The following GDAP1 variants were observed in gnomAD, a reference collection of about 807,000 sequenced individuals.
GDAP1 encodes ganglioside induced differentiation associated protein 1.
A neutral mutation model predicts 40.1 loss-of-function variants in GDAP1; 34 were observed. The ratio of observed to expected loss-of-function variants is 0.85; its 90% CI spans 0.64 to 1.13. GDAP1 has a LOEUF of 1.13. Among genes scored for constraint, GDAP1 ranks in the 50% most tolerant of loss-of-function variants. The pLI is 0.00. For missense variants in GDAP1, 374 were observed against 433.7 expected (o/e 0.86, Z 1.22); for synonymous variants, 170 against 157.4 (o/e 1.08, Z -0.60).
At chr8:74,452,599 T>G (rs1385290222) in intron 2 of GDAP1, among the ~76,000 whole-genome samples, 1 of 84,158 alleles carries the variant, frequency 1.2e-5, no homozygotes, top group African/African-American at 5.1e-5. Context: ...TCACATATGC[T>G]TTTTAGCTCT....
At chr8:74,380,346 A>C (rs1809927702) in intron 2 of GDAP1, among the ~76,000 whole-genome samples, 1 of 152,172 alleles carries the variant, frequency 6.6e-6, no homozygotes, top group South Asian at 2.1e-4. Context: ...GATATAGGAA[A>C]AGTAACTTGT....
chr8:74,425,139 A>C (rs1805931426), intron 2 of GDAP1, among the ~76,000 whole-genome samples: 1 of 152,166 alleles, frequency 6.6e-6, no homozygotes, highest in Non-Finnish European at 1.5e-5. Flanking sequence ...TGCTTTGTGG[A>C]TGACCTTGGC....
At chr8:74,386,946 A>G (rs1244596737) in intron 2 of GDAP1, among the ~76,000 whole-genome samples, 1 of 152,166 alleles carries the variant, frequency 6.6e-6, no homozygotes, top group Non-Finnish European at 1.5e-5. Flanking sequence ...CTTTGAAGCA[A>G]TTGTGAATGG....
At chr8:74,467,620 A>G (rs900454933) in intron 2 of GDAP1, among the ~76,000 whole-genome samples, 1 of 152,170 alleles carries the variant, frequency 6.6e-6, no homozygotes, top group Admixed American at 6.5e-5. Flanking sequence ...ACTGCAGCAC[A>G]GAGAGTAGGT....
chr8:74,455,850 A>G (rs1806329708), intron 2 of GDAP1, among the ~76,000 whole-genome samples: 3 of 152,076 alleles, frequency 2.0e-5, no homozygotes, highest in South Asian at 2.1e-4. Flanking sequence ...ATGTGCTTCT[A>G]TAAGGCAGGG....
intron 2 of GDAP1, among the ~76,000 whole-genome samples, chr8:74,438,870 A>G (rs1040929353): frequency 6.6e-6 from 1 of 152,146 alleles, no homozygotes; most frequent in Non-Finnish European, 1.5e-5. Flanking sequence ...CCAAAGTGTT[A>G]AGATTACAGG....
chr8:74,383,611 C>T (rs1044480697), intron 2 of GDAP1, among the ~76,000 whole-genome samples: 2 of 152,142 alleles, frequency 1.3e-5, no homozygotes, highest in Admixed American at 6.6e-5. Context: ...ACAGAAATCT[C>T]ATTTCCAAAT....
downstream of GDAP1, among the ~76,000 whole-genome samples, chr8:74,370,485 TAAG>T (rs1327323718): frequency 6.6e-6 from 1 of 152,162 alleles, no homozygotes; most frequent in Non-Finnish European, 1.5e-5. Context: ...TAAACTCTGA[TAAG>T]AACACGTTGT....
intron 2 of GDAP1, among the ~76,000 whole-genome samples, chr8:74,447,626 C>A (rs565836828): frequency 6.6e-6 from 1 of 152,228 alleles, no homozygotes; most frequent in South Asian, 2.1e-4. Flanking sequence ...TTTCCACACA[C>A]ACTCAGATTC....
intron 5 of GDAP1, 146 bp from the exon 6 acceptor site, chr8:74,363,839 G>A (rs976847771): frequency 4.3e-6 from 3 of 697,248 alleles, no homozygotes; most frequent in Admixed American, 2.5e-5. Context: ...TATTCTCTGA[G>A]TGTGGCTGTC....
intron 2 of GDAP1, 28 bp from the exon 3 acceptor site, chr8:74,360,109 C>T (rs776763158): frequency 1.3e-6 from 2 of 1,574,524 alleles, no homozygotes; most frequent in South Asian, 2.2e-5. Flanking sequence ...GTAACTTTTT[C>T]TTCAATATTT....
chr8:74,370,187 T>A (rs1049255555), downstream of GDAP1, among the ~76,000 whole-genome samples: 2 of 152,200 alleles, frequency 1.3e-5, no homozygotes, highest in African/African-American at 4.8e-5. Context: ...ATAAAGACTT[T>A]CATTGCCTCA....
At chr8:74,460,988 G>A (rs1044362542) in intron 2 of GDAP1, among the ~76,000 whole-genome samples, 1 of 152,168 alleles carries the variant, frequency 6.6e-6, no homozygotes, top group Non-Finnish European at 1.5e-5. Context: ...TGTATTGGGA[G>A]AGGGTATTCT....
In GDAP1 at chr8:74,360,297, T is replaced by A; in HGVS notation, c.471T>A (p.Thr157=). 6.2e-7 allele frequency: 1 copy of A among 1,613,692 alleles called. No homozygotes were observed. Among genetic ancestry groups the A allele is most frequent in the East Asian group, 2.2e-5 (1 of 44,880 alleles). ...TVDSMIPAYA[T]TRIRSQIGNT... Reference sequence around the variant, plus strand: ...ACTCCATGATCCCGGCTTATGCAACTACAAGGATTCGTAGTATGTAAACAT... The same window carrying A: ...ACTCCATGATCCCGGCTTATGCAACAACAAGGATTCGTAGTATGTAAACAT... Residue 157 remains threonine, a synonymous_variant, in exon 3 of 6, where the codon ACT becomes ACA. Coordinates refer to ENST00000220822, the MANE Select transcript of GDAP1 (RefSeq NM_018972.4).
At chr8:74,483,573 A>T (rs1035961461) in intron 2 of GDAP1, among the ~76,000 whole-genome samples, 3 of 152,152 alleles carry the variant, frequency 2.0e-5, no homozygotes, top group Admixed American at 6.5e-5. Context: ...CATCTTTTAT[A>T]GGGTTATATA....
Position 74,364,777 on chromosome 8 carries a change from GGGATAGTGGGCT to G in GDAP1, c.*414_*425del, listed in dbSNP as rs754305814. 1.4e-4 allele frequency: 64 copies of G among 457,872 alleles called. No individual in the cohort carries two copies. Among genetic ancestry groups the G allele is most frequent in the Admixed American group, 5.9e-4 (25 of 42,680 alleles). The allele number at this position is 457,872 out of a possible 1,614,324, so 28.4% of individuals were successfully genotyped here. Reference sequence around the variant, plus strand: ...TTAGGAGAGGACTAGGGAATCACTGGGGATAGTGGGCTGGAGAGAACCCCAGGCTTTATATGT... The same window carrying G: ...TTAGGAGAGGACTAGGGAATCACTGGGGAGAGAACCCCAGGCTTTATATGT... On this transcript the variant is annotated 3_prime_UTR_variant, in exon 6 of 6. Transcript: ENST00000220822.
Position 74,403,106 on chromosome 8 carries a change from A to G in GDAP1, c.165+51785A>G, listed in dbSNP as rs147542588. On this transcript the variant is annotated intron_variant, in intron 2 of 2. Coordinates refer to the GDAP1 transcript ENST00000523640. The stretch of plus-strand genomic sequence containing the variant: ...GCCCAAACAATCTGATGTTAAAATA[A>G]GCTAATTTTATATCTCGCAGTGATG... 3.7e-4 allele frequency among the ~76,000 whole-genome samples: 55 copies of G among 150,306 alleles called. No homozygotes were observed. The East Asian group carries it at 0.01, about 28-fold the overall frequency.
intron 2 of GDAP1, among the ~76,000 whole-genome samples, chr8:74,422,325 CT>C (rs1368789857): frequency 4.2e-4 from 23 of 54,766 alleles, no homozygotes; most frequent in East Asian, 6.4e-4. Flanking sequence ...TTCTTTCTTT[CT>C]TTCTTTCTTT....
In GDAP1 at chr8:74,471,446, C is replaced by CT. The variant is rs11306112; in HGVS notation, c.166-17222dup. Among the ~76,000 whole-genome samples, 462 of 150,020 alleles carry CT rather than the reference C, an allele frequency of 3.1e-3. 3 individuals are homozygous for CT. Among genetic ancestry groups the CT allele is most frequent in the African/African-American group, 0.01 (414 of 41,184 alleles). ...GTTTTCTAAATCAGAGTAAATTTTCCTTTTTTTTTTAAAAAAAATAATTCC... is the reference window on the plus strand; with the variant it reads ...GTTTTCTAAATCAGAGTAAATTTTCCTTTTTTTTTTTAAAAAAAATAATTCC... On this transcript the variant is annotated intron_variant, in intron 2 of 2. Transcript: ENST00000523640.
Sources: gnomAD v4.1 joint callset for allele counts (sites outside exome capture counted in the v4.1 genomes callset) on GRCh38, gnomAD v4.1.1 for gene constraint, MANE v1.5 for transcripts, NCBI Gene and HGNC (gene_info 2026-07-23, HGNC 2026-07-21) for gene names.